SHLD1: variants seen among roughly 807,000 people sequenced by gnomAD.
SHLD1 encodes RINN1-REV7-interacting novel NHEJ regulator 3.
SHLD1 carries 3 observed loss-of-function variants against 5.5 expected under a neutral mutation model. That is an observed-to-expected ratio of 0.54 (90% CI 0.25 to 1.40). The LOEUF is 1.40. Among genes scored for constraint, SHLD1 ranks in the 40% most tolerant of loss-of-function variants. The pLI, the probability that SHLD1 is intolerant of heterozygous loss-of-function variation, is 0.15. For missense variants in SHLD1, 210 were observed against 244.4 expected, an observed-to-expected ratio of 0.86 and a Z score of 0.94; for synonymous variants, 92 against 94.3, an observed-to-expected ratio of 0.98 and a Z score of 0.14.
intron 2 of SHLD1, among the ~76,000 whole-genome samples, chr20:5,817,938 A>G (rs1320563016): frequency 6.6e-6 from 1 of 152,216 alleles, no homozygotes; most frequent in Non-Finnish European, 1.5e-5. Flanking sequence ...TGCCTCCAGC[A>G]GAACACTGGG....
At chr20:5,752,969 T>G (rs1267927913) in intron 1 of SHLD1, among the ~76,000 whole-genome samples, 1 of 152,190 alleles carries the variant, frequency 6.6e-6, no homozygotes, top group Non-Finnish European at 1.5e-5. Flanking sequence ...TAATTTTTTG[T>G]ATTTTCAGTA....
chr20:5,846,631 T>C (rs1885473230), intron 2 of SHLD1, among the ~76,000 whole-genome samples: 1 of 152,238 alleles, frequency 6.6e-6, no homozygotes, highest in South Asian at 2.1e-4. Context: ...TCAGTGAAGC[T>C]CCTGGCTCCA....
chr20:5,752,623 T>G (rs1334222855), intron 1 of SHLD1, among the ~76,000 whole-genome samples: 1 of 150,770 alleles, frequency 6.6e-6, no homozygotes, highest in Non-Finnish European at 1.5e-5. Flanking sequence ...GGGTTTTTTT[T>G]TTTTTTTTTT....
chr20:5,817,432 C>CTCTCTCTCTGTGTG (rs1473391202), intron 2 of SHLD1, among the ~76,000 whole-genome samples: 10 of 85,664 alleles, frequency 1.2e-4, no homozygotes, highest in African/African-American at 3.3e-4. Flanking sequence ...CTCTCTCTCT[C>CTCTCTCTCTGTGTG]TGTGTGTGTG....
intron 2 of SHLD1, among the ~76,000 whole-genome samples, chr20:5,787,582 G>T (rs1274526419): frequency 6.6e-6 from 1 of 152,188 alleles, no homozygotes; most frequent in Non-Finnish European, 1.5e-5. Flanking sequence ...TTTGCCCACT[G>T]CCTGGCCTAA....
At chr20:5,782,111 A>G (rs1008156492) in intron 2 of SHLD1, among the ~76,000 whole-genome samples, 1 of 152,100 alleles carries the variant, frequency 6.6e-6, no homozygotes, top group African/African-American at 2.4e-5. Context: ...CACTCCAGAG[A>G]TGGCTGAATT....
intron 2 of SHLD1, among the ~76,000 whole-genome samples, chr20:5,827,342 C>T (rs1290456857): frequency 6.6e-6 from 1 of 152,216 alleles, no homozygotes; most frequent in African/African-American, 2.4e-5. Context: ...TGGCTCCCAA[C>T]CCGAAGCTGG....
intron 2 of SHLD1, among the ~76,000 whole-genome samples, chr20:5,805,443 C>A (rs1290155428): frequency 6.6e-6 from 1 of 151,606 alleles, no homozygotes; most frequent in African/African-American, 2.4e-5. Context: ...AGGCGTGAGA[C>A]CCCTAATCCT....
In SHLD1 at chr20:5,782,930, G is replaced by A. The variant is rs60833664; in HGVS notation, c.178+9887G>A. Among the ~76,000 whole-genome samples the A allele has an allele frequency of 4.5e-3, 680 of 151,966 alleles. 4 individuals carry two copies. The highest frequency in any genetic ancestry group is 0.016 in the African/African-American group (661 of 41,428). ...GTTGTAGTTTTAAAATAGGAGTCAG[G>A]GTATATTTTAGATATATACATAAAA... On this transcript the variant is annotated intron_variant, in intron 2 of 2. Coordinates refer to ENST00000303142, the MANE Select transcript of SHLD1 (RefSeq NM_152504.4).
intron 2 of SHLD1, among the ~76,000 whole-genome samples, chr20:5,822,452 C>CT (rs1049366232): frequency 5.3e-5 from 8 of 151,996 alleles, no homozygotes; most frequent in Non-Finnish European, 8.8e-5. Flanking sequence ...GAGTGAGACT[C>CT]TATCTCAAAA....
chr20:5,767,706 G>A (rs193025772), intron 1 of SHLD1, among the ~76,000 whole-genome samples: 1 of 152,198 alleles, frequency 6.6e-6, no homozygotes, highest in Admixed American at 6.5e-5. Context: ...ATGACACCTG[G>A]TGCCAGCTAT....
At chr20:5,766,560 T>A (rs1056679905) in intron 1 of SHLD1, among the ~76,000 whole-genome samples, 2 of 152,124 alleles carry the variant, frequency 1.3e-5, no homozygotes, top group Non-Finnish European at 2.9e-5. Context: ...TTTCGAGATG[T>A]GTTTCCCTGG....
intron 2 of SHLD1, among the ~76,000 whole-genome samples, chr20:5,821,520 A>C (rs2087606060): frequency 6.6e-6 from 1 of 152,182 alleles, no homozygotes; most frequent in South Asian, 2.1e-4. Flanking sequence ...TCAAAACAAA[A>C]CAAAACAAAA....
At chr20:5,751,787 T>A (rs1268242214) in intron 1 of SHLD1, among the ~76,000 whole-genome samples, 2 of 150,034 alleles carry the variant, frequency 1.3e-5, no homozygotes, top group Non-Finnish European at 2.9e-5. Context: ...CCCGAGGCAG[T>A]TGGGTTATAG....
chr20:5,761,541 A>G (rs1984465188), intron 1 of SHLD1, among the ~76,000 whole-genome samples: 1 of 151,434 alleles, frequency 6.6e-6, no homozygotes, highest in Non-Finnish European at 1.5e-5. Flanking sequence ...AATGATTACT[A>G]TTTTACTTAT....
At chr20:5,761,994 G>C (rs1483375407) in intron 1 of SHLD1, among the ~76,000 whole-genome samples, 2 of 151,668 alleles carry the variant, frequency 1.3e-5, no homozygotes, top group Non-Finnish European at 2.9e-5. Context: ...GCTCACACCT[G>C]TAATCCTAGC....
At chr20:5,857,962 G>T (rs2088111743) in intron 2 of SHLD1, among the ~76,000 whole-genome samples, 1 of 152,174 alleles carries the variant, frequency 6.6e-6, no homozygotes, top group Non-Finnish European at 1.5e-5. Context: ...AGCCGGGCAT[G>T]GTGGCGGGTG....
chr20:5,792,424 G>A (rs2087153747), intron 2 of SHLD1, among the ~76,000 whole-genome samples: 2 of 151,874 alleles, frequency 1.3e-5, no homozygotes, highest in Admixed American at 1.3e-4. Flanking sequence ...TTGTTTGTTT[G>A]TTTTTGTTTT....
chr20:5,750,763 A>G (rs1983702911), intron 1 of SHLD1, among the ~76,000 whole-genome samples: 1 of 151,964 alleles, frequency 6.6e-6, no homozygotes, highest in South Asian at 2.1e-4. Context: ...CTGCTAAAAA[A>G]CCAACAAACA....
Sources: allele counts gnomAD v4.1 joint callset (sites outside exome capture counted in the v4.1 genomes callset), GRCh38; gene constraint gnomAD v4.1.1; transcripts MANE v1.5; gene names NCBI Gene and HGNC (gene_info 2026-07-23, HGNC 2026-07-21).